The following PRKN variants were observed in gnomAD, a reference collection of about 807,000 sequenced individuals.
The protein encoded by PRKN is parkin RBR E3 ubiquitin protein ligase.
In PRKN, 56 loss-of-function variants were observed where a neutral mutation model predicts 59.5. The observed-to-expected ratio is 0.94, with a 90% confidence interval of 0.76 to 1.18. The LOEUF (loss-of-function observed/expected upper bound fraction) is 1.18, where lower values mean the gene tolerates loss of function less well. Among genes scored for constraint, PRKN ranks in the 50% most tolerant of loss-of-function variants. PRKN has a pLI of 0.00. For missense variants in PRKN, 657 were observed against 596.4 expected, an observed-to-expected ratio of 1.10 and a Z score of -1.06; for synonymous variants, 250 against 222.1, an observed-to-expected ratio of 1.13 and a Z score of -1.12.
chr6:162,044,040 G>A (rs1784163742), intron 5 of PRKN, among the ~76,000 whole-genome samples: 2 of 152,134 alleles, frequency 1.3e-5, no homozygotes, highest in South Asian at 4.1e-4. Flanking sequence ...GAGTTTTAGG[G>A]AAGACAAAAA....
At chr6:162,016,676 C>G (rs934234419) in intron 5 of PRKN, among the ~76,000 whole-genome samples, 1 of 152,128 alleles carries the variant, frequency 6.6e-6, no homozygotes, top group Non-Finnish European at 1.5e-5. Flanking sequence ...TAGTAACAAC[C>G]CTGAGATCAC....
chr6:161,636,784 C>T (rs1783538403), intron 7 of PRKN, among the ~76,000 whole-genome samples: 1 of 152,076 alleles, frequency 6.6e-6, no homozygotes, highest in Non-Finnish European at 1.5e-5. Flanking sequence ...AACAGAAATA[C>T]AGGCCTGTGG....
intron 6 of PRKN, among the ~76,000 whole-genome samples, chr6:161,960,958 A>G (rs565677132): frequency 1.3e-5 from 2 of 152,312 alleles, no homozygotes; most frequent in East Asian, 3.9e-4. Flanking sequence ...TACCTATGCT[A>G]CCTCTCCTGA....
chr6:161,806,993 A>G (rs1791356676), intron 6 of PRKN, among the ~76,000 whole-genome samples: 1 of 152,204 alleles, frequency 6.6e-6, no homozygotes, highest in Non-Finnish European at 1.5e-5. Context: ...GATGGTAGTT[A>G]CCGATTTCCA....
In PRKN at chr6:162,353,303, A is replaced by T. The variant is rs1001091350; in HGVS notation, c.171+90007T>A. Reference sequence around the variant, plus strand: ...GCAGAAAATACATAAGCAATAACCAAATCTAATTTTTATCTTTCTCTCGAA... The same window carrying T: ...GCAGAAAATACATAAGCAATAACCATATCTAATTTTTATCTTTCTCTCGAA... On this transcript the variant is annotated intron_variant, in intron 2 of 11. Coordinates refer to ENST00000366898, the MANE Select transcript of PRKN (RefSeq NM_004562.3). Among the ~76,000 whole-genome samples, 4 of 152,116 alleles carry T rather than the reference A, an allele frequency of 2.6e-5. No individual in the cohort carries two copies. The East Asian group carries it at 5.8e-4, about 22-fold the overall frequency.
chr6:162,316,013 C>A (rs1049186534), intron 2 of PRKN, among the ~76,000 whole-genome samples: 1 of 152,104 alleles, frequency 6.6e-6, no homozygotes, highest in African/African-American at 2.4e-5. Flanking sequence ...GCACACCAGA[C>A]AGCAGACAAT....
intron 1 of PRKN, among the ~76,000 whole-genome samples, chr6:162,661,855 C>T (rs1270901096): frequency 2.0e-5 from 3 of 152,090 alleles, no homozygotes; most frequent in African/African-American, 7.2e-5. Context: ...CGAGGGGATA[C>T]AAGTGCAGGT....
At chr6:161,718,826 T>C (rs1195669722) in intron 7 of PRKN, among the ~76,000 whole-genome samples, 3 of 152,000 alleles carry the variant, frequency 2.0e-5, no homozygotes, top group African/African-American at 7.3e-5. Context: ...CCTTCAAGTG[T>C]GTTATCCTGC....
intron 5 of PRKN, among the ~76,000 whole-genome samples, chr6:162,026,537 C>A (rs117694952): frequency 6.6e-6 from 1 of 152,156 alleles, no homozygotes; most frequent in Non-Finnish European, 1.5e-5. Context: ...AAAAGAGATG[C>A]TTTTGCTGTA....
intron 5 of PRKN, among the ~76,000 whole-genome samples, chr6:162,024,356 C>T (rs1409171482): frequency 6.6e-6 from 1 of 151,936 alleles, no homozygotes; most frequent in Admixed American, 6.6e-5. Flanking sequence ...GCCAACATGC[C>T]CAGCTAATTT....
intron 7 of PRKN, among the ~76,000 whole-genome samples, chr6:161,635,946 C>T (rs1783498572): frequency 6.6e-6 from 1 of 152,178 alleles, no homozygotes; most frequent in Admixed American, 6.5e-5. Flanking sequence ...CCACCAAGGG[C>T]TGAATGTGAA....
At chr6:162,069,059 T>C (rs1778458734) in intron 4 of PRKN, among the ~76,000 whole-genome samples, 1 of 152,122 alleles carries the variant, frequency 6.6e-6, no homozygotes, top group Non-Finnish European at 1.5e-5. Context: ...TTCAAATAAG[T>C]CATTTTATAG....
chr6:162,608,733 A>T (rs963601085), intron 1 of PRKN, among the ~76,000 whole-genome samples: 2 of 152,210 alleles, frequency 1.3e-5, no homozygotes, highest in African/African-American at 4.8e-5. Flanking sequence ...GCCAGGATCC[A>T]GCTAAGAATA....
chr6:162,495,688 C>T (rs573617844), intron 1 of PRKN, among the ~76,000 whole-genome samples: 2 of 152,294 alleles, frequency 1.3e-5, no homozygotes, highest in Non-Finnish European at 2.9e-5. Flanking sequence ...TTCTTTCTCA[C>T]TGTCACTCAA....
intron 1 of PRKN, among the ~76,000 whole-genome samples, chr6:162,607,739 G>A (rs1025537147): frequency 6.6e-6 from 1 of 152,152 alleles, no homozygotes; most frequent in African/African-American, 2.4e-5. Context: ...GCTTGGATGG[G>A]TTTAGGTAGG....
intron 7 of PRKN, among the ~76,000 whole-genome samples, chr6:161,573,718 TCAAA>T (rs1780987752): frequency 4.4e-5 from 1 of 22,630 alleles, no homozygotes; most frequent in Non-Finnish European, 7.1e-5. Flanking sequence ...AGACTCCGTC[TCAAA>T]AAAAAAAAAA....
At chr6:161,938,196 G>C (rs985864197) in intron 6 of PRKN, among the ~76,000 whole-genome samples, 4 of 152,168 alleles carry the variant, frequency 2.6e-5, no homozygotes, top group Non-Finnish European at 4.4e-5. Flanking sequence ...TGGGTCCACA[G>C]AACACTCTCA....
chr6:162,332,992 A>C (rs1355945928), intron 2 of PRKN, among the ~76,000 whole-genome samples: 1 of 152,208 alleles, frequency 6.6e-6, no homozygotes, highest in Non-Finnish European at 1.5e-5. Context: ...GCTATTTGAA[A>C]GACCAGTAGC....
chr6:161,955,089 C>A (rs908918033), intron 6 of PRKN, among the ~76,000 whole-genome samples: 8 of 152,198 alleles, frequency 5.3e-5, no homozygotes, highest in African/African-American at 1.9e-4. Flanking sequence ...ATCGTCCTGT[C>A]TCACAAAATC....
Sources: allele counts gnomAD v4.1 joint callset (sites outside exome capture counted in the v4.1 genomes callset), GRCh38; gene constraint gnomAD v4.1.1; transcripts MANE v1.5; gene names NCBI Gene and HGNC (gene_info 2026-07-23, HGNC 2026-07-21).